VMP1: variants seen among roughly 807,000 people sequenced by gnomAD.
VMP1 encodes ectopic P-granules autophagy protein 3 homolog.
In VMP1, 11 loss-of-function variants were observed where a neutral mutation model predicts 56.0. The ratio of observed to expected loss-of-function variants is 0.20; its 90% CI spans 0.12 to 0.32. The LOEUF is 0.32. Ranked by LOEUF, VMP1 falls within the 10% of genes least tolerant of loss-of-function variation. The pLI is 1.00. For synonymous variants in VMP1, 149 were observed against 165.0 expected, an observed-to-expected ratio of 0.90 and a Z score of 0.74; for missense variants, 296 against 490.3, an observed-to-expected ratio of 0.60 and a Z score of 3.74.
intron 6 of VMP1, among the ~76,000 whole-genome samples, chr17:59,772,933 A>ACAT (rs1456155509): frequency 7.4e-6 from 1 of 135,766 alleles, no homozygotes; most frequent in Non-Finnish European, 1.6e-5. Flanking sequence ...TTTATCTAAC[A>ACAT]CATATACTGG....
intron 5 of VMP1, among the ~76,000 whole-genome samples, chr17:59,760,084 C>T (rs1330429204): frequency 6.7e-6 from 1 of 148,728 alleles, no homozygotes; most frequent in African/African-American, 2.5e-5. Flanking sequence ...GATCACACTA[C>T]TGCCCTCCAG....
intron 1 of VMP1, among the ~76,000 whole-genome samples, chr17:59,717,836 C>T (rs2034226753): frequency 6.6e-6 from 1 of 152,058 alleles, no homozygotes; most frequent in Non-Finnish European, 1.5e-5. Flanking sequence ...AGGAGAATTA[C>T]TTGAACCTGG....
chr17:59,726,282 GTTTTTTTTGTTT>G (rs949866305), intron 1 of VMP1, among the ~76,000 whole-genome samples: 1 of 118,702 alleles, frequency 8.4e-6, no homozygotes, highest in Non-Finnish European at 2.1e-5. Flanking sequence ...AACACACATA[GTTTTTTTTGTTT>G]TTTTTTTTGT....
chr17:59,733,988 G>T (rs190988263), intron 2 of VMP1, among the ~76,000 whole-genome samples: 2 of 152,152 alleles, frequency 1.3e-5, no homozygotes, highest in African/African-American at 4.8e-5. Flanking sequence ...CCATTTTTGC[G>T]ATCTAAACCA....
intron 7 of VMP1, among the ~76,000 whole-genome samples, chr17:59,799,819 C>T (rs1161357740): frequency 1.3e-5 from 2 of 151,752 alleles, no homozygotes; most frequent in East Asian, 3.9e-4. Flanking sequence ...AAAAATTAGC[C>T]AGGTGTGGTG....
chr17:59,747,650 A>T (rs1235748299), intron 5 of VMP1, among the ~76,000 whole-genome samples: 2 of 151,226 alleles, frequency 1.3e-5, no homozygotes, highest in Admixed American at 6.6e-5. Context: ...ACCTCAAGTG[A>T]TCCACCCGCT....
chr17:59,723,885 G>GCCCC (rs2034491113), intron 1 of VMP1, among the ~76,000 whole-genome samples: 2 of 152,142 alleles, frequency 1.3e-5, no homozygotes, highest in African/African-American at 2.4e-5. Context: ...ATAGTAGTGG[G>GCCCC]ATTGGTGAAT....
intron 7 of VMP1, among the ~76,000 whole-genome samples, chr17:59,779,581 T>C (rs1284603775): frequency 6.6e-6 from 1 of 152,206 alleles, no homozygotes; most frequent in Non-Finnish European, 1.5e-5. Flanking sequence ...GCTAACTTCA[T>C]CAAAGATTGA....
At chr17:59,781,627 A>G (rs2036826015) in intron 7 of VMP1, among the ~76,000 whole-genome samples, 1 of 152,184 alleles carries the variant, frequency 6.6e-6, no homozygotes, top group Non-Finnish European at 1.5e-5. Flanking sequence ...ACTTGATTTG[A>G]ATCTAAAAAC....
At chr17:59,761,591 A>G (rs1194851569) in intron 5 of VMP1, among the ~76,000 whole-genome samples, 2 of 152,192 alleles carry the variant, frequency 1.3e-5, no homozygotes, top group Non-Finnish European at 2.9e-5. Context: ...CTACCCAGGC[A>G]TGACCTTTCT....
chr17:59,778,592 G>A (rs1468710021), intron 7 of VMP1, among the ~76,000 whole-genome samples: 1 of 151,848 alleles, frequency 6.6e-6, no homozygotes, highest in Non-Finnish European at 1.5e-5. Flanking sequence ...GAAGCTATGT[G>A]CGTACAGGCC....
At chr17:59,785,776 G>A (rs763563102) in intron 7 of VMP1, among the ~76,000 whole-genome samples, 4 of 150,506 alleles carry the variant, frequency 2.7e-5, no homozygotes, top group African/African-American at 4.9e-5. Flanking sequence ...GTTGAGTATC[G>A]TTCATGAGTC....
rs763108961 is a variant in VMP1, at chr17:59,735,362, AGAG to A, written c.106_108del (p.Arg36del). 4.3e-6 allele frequency: 7 copies of A among 1,614,142 alleles called. No individual in the cohort carries two copies. The South Asian group carries it at 4.4e-5, about 10-fold the overall frequency. On this transcript the variant is annotated inframe_deletion, in exon 3 of 12. Transcript: ENST00000262291. Reference sequence around the variant, plus strand: ...GACCCCTCTTCAGTGAATGAAAAGAAGAGGAGGGAGCGGGAAGAAAGGCAGAAT... The same window carrying A: ...GACCCCTCTTCAGTGAATGAAAAGAAGAGGGAGCGGGAAGAAAGGCAGAAT...
chr17:59,836,641 G>A (rs951240344), intron 10 of VMP1, among the ~76,000 whole-genome samples: 11 of 151,304 alleles, frequency 7.3e-5, no homozygotes, highest in East Asian at 5.8e-4. Context: ...GTGTGTGTGC[G>A]CACACATGTG....
At chr17:59,793,859 T>G (rs568006423) in intron 7 of VMP1, among the ~76,000 whole-genome samples, 3 of 151,292 alleles carry the variant, frequency 2.0e-5, no homozygotes, top group Admixed American at 2.0e-4. Context: ...ACTCCTGACC[T>G]CGTGATCCGC....
intron 7 of VMP1, among the ~76,000 whole-genome samples, chr17:59,789,446 A>C (rs569496045): frequency 2.0e-5 from 3 of 151,920 alleles, no homozygotes; most frequent in Non-Finnish European, 4.4e-5. Context: ...GAGGCAGGAG[A>C]ATCGCTTGAA....
At chr17:59,724,176 C>T (rs1374166363) in intron 1 of VMP1, among the ~76,000 whole-genome samples, 1 of 145,370 alleles carries the variant, frequency 6.9e-6, no homozygotes, top group African/African-American at 2.6e-5. Context: ...TGCACCACTG[C>T]ACTCCAGCCC....
intron 6 of VMP1, among the ~76,000 whole-genome samples, chr17:59,769,509 C>T (rs1163794288): frequency 6.6e-6 from 1 of 152,066 alleles, no homozygotes; most frequent in Non-Finnish European, 1.5e-5. Context: ...TTTAAAAGTA[C>T]AAATTCAGAA....
chr17:59,793,325 A>AC (rs2037309055), intron 7 of VMP1, among the ~76,000 whole-genome samples: 1 of 114,366 alleles, frequency 8.7e-6, no homozygotes, highest in African/African-American at 2.6e-5. Flanking sequence ...GCCTCTATTA[A>AC]TTTTTTTAAA....
Sources: allele counts gnomAD v4.1 joint callset (sites outside exome capture counted in the v4.1 genomes callset), GRCh38; gene constraint gnomAD v4.1.1; transcripts MANE v1.5; gene names NCBI Gene and HGNC (gene_info 2026-07-23, HGNC 2026-07-21).